Variants in EPHA5 observed in about 807,000 individuals in gnomAD.
EPHA5 encodes EPH receptor A5.
Under a neutral mutation model 105.0 loss-of-function variants are expected in EPHA5, and 60 were observed. That is an observed-to-expected ratio of 0.57 (90% confidence interval 0.46 to 0.71). EPHA5 has a LOEUF of 0.71. Among genes scored for constraint, EPHA5 ranks in the 30% least tolerant of loss-of-function variants. The pLI is 0.00. For missense variants in EPHA5, 1,218 were observed against 1,274.7 expected (o/e 0.96, Z 0.68); for synonymous variants, 513 against 449.1 (o/e 1.14, Z -1.80).
At chr4:65,372,527 G>T (rs957811588) in intron 8 of EPHA5, among the ~76,000 whole-genome samples, 4 of 151,762 alleles carry the variant, frequency 2.6e-5, no homozygotes, top group Non-Finnish European at 5.9e-5. Context: ...TTCATAGATA[G>T]ATTTAAGTTA....
intron 3 of EPHA5, among the ~76,000 whole-genome samples, chr4:65,534,807 A>G (rs1295468859): frequency 6.6e-6 from 1 of 152,234 alleles, no homozygotes; most frequent in Non-Finnish European, 1.5e-5. Context: ...TGCATCAAAT[A>G]CAACAAAACA....
intron 5 of EPHA5, among the ~76,000 whole-genome samples, chr4:65,472,519 C>T (rs1729388241): frequency 6.6e-6 from 1 of 152,190 alleles, no homozygotes; most frequent in African/African-American, 2.4e-5. Flanking sequence ...TCCATACATC[C>T]TCTGAAATCT....
intron 4 of EPHA5, among the ~76,000 whole-genome samples, chr4:65,492,151 A>G (rs1731462467): frequency 6.6e-6 from 1 of 152,118 alleles, no homozygotes; most frequent in African/African-American, 2.4e-5. Flanking sequence ...GGATTGTTTT[A>G]AAAGTGGTAA....
At chr4:65,488,183 A>G (rs553827307) in intron 5 of EPHA5, among the ~76,000 whole-genome samples, 5 of 152,264 alleles carry the variant, frequency 3.3e-5, no homozygotes, top group South Asian at 4.1e-4. Context: ...CAAATAATAT[A>G]CTTGGGAGGC....
chr4:65,582,849 T>C (rs1741769153), intron 3 of EPHA5, among the ~76,000 whole-genome samples: 1 of 151,776 alleles, frequency 6.6e-6, no homozygotes, highest in African/African-American at 2.4e-5. Context: ...TGGTTGGCTA[T>C]CATTTGATTC....
At chr4:65,496,065 A>G (rs923629799) in intron 3 of EPHA5, among the ~76,000 whole-genome samples, 13 of 152,076 alleles carry the variant, frequency 8.5e-5, no homozygotes, top group African/African-American at 3.1e-4. Context: ...TATCAACTGT[A>G]TTATTTTTAT....
intron 8 of EPHA5, among the ~76,000 whole-genome samples, chr4:65,369,819 T>C (rs970444380): frequency 2.0e-5 from 3 of 151,858 alleles, no homozygotes; most frequent in Admixed American, 1.3e-4. Flanking sequence ...ATACAAAAAT[T>C]AGCTAGGCAT....
chr4:65,483,089 C>A (rs62299163), intron 5 of EPHA5, among the ~76,000 whole-genome samples: 31,936 of 151,966 alleles, frequency 0.21, 4,131 homozygotes, highest in Middle Eastern at 0.35. Context: ...CAATTCCCAC[C>A]TATGAGTGAG....
chr4:65,536,324 G>T (rs977167383), intron 3 of EPHA5, among the ~76,000 whole-genome samples: 2 of 151,814 alleles, frequency 1.3e-5, no homozygotes, highest in Non-Finnish European at 2.9e-5. Flanking sequence ...AAAATCTCTT[G>T]TAATCGTTCC....
Position 65,669,727 on chromosome 4 carries a change from G to T in EPHA5, c.16C>A (p.Pro6Thr). 1 of 1,265,148 alleles carries T rather than the reference G, an allele frequency of 7.9e-7. No homozygotes were observed. Among genetic ancestry groups the T allele is most frequent in the Non-Finnish European group, 1.0e-6 (1 of 1,004,226 alleles). The allele number at this position is 1,265,148 out of a possible 1,614,324, so 78.4% of individuals were successfully genotyped here. The part of the protein sequence containing the change: MRGSG[P>T]RGAGRRRPPS... ...GGCCGCCGGCGTCCCGCACCCCGGG[G>T]CCCCGAGCCCCGCATCTTCTCCGAG... The change falls in exon 1 of 17, where the codon CCC becomes ACC. Residue 6 changes from proline (P) to threonine (T), a missense_variant. By Grantham distance (38) the Pro-to-Thr change is conservative (BLOSUM62 -1). This residue lies in a region of EPHA5 where 233 missense variants were observed against 227.5 expected (regional missense o/e 1.02). Transcript: ENST00000613740.
chr4:65,355,315 G>T (rs1295862339), intron 11 of EPHA5, among the ~76,000 whole-genome samples: 1 of 151,598 alleles, frequency 6.6e-6, no homozygotes, highest in Non-Finnish European at 1.5e-5. Context: ...AATTATTTAG[G>T]TTGTATTTGT....
At chr4:65,557,016 T>G (rs1045596666) in intron 3 of EPHA5, among the ~76,000 whole-genome samples, 3 of 151,842 alleles carry the variant, frequency 2.0e-5, no homozygotes, top group Non-Finnish European at 4.4e-5. Flanking sequence ...TTCGGACAAT[T>G]ACAGGACTCA....
At chr4:65,352,242 C>T (rs115155351) in intron 12 of EPHA5, among the ~76,000 whole-genome samples, 2 of 152,050 alleles carry the variant, frequency 1.3e-5, no homozygotes, top group South Asian at 4.1e-4. Context: ...CAGAGTCTGG[C>T]AGTAGGAAGA....
At chr4:65,484,348 A>T (rs77094258) in intron 5 of EPHA5, among the ~76,000 whole-genome samples, 4,877 of 152,266 alleles carry the variant, frequency 0.032, 209 homozygotes, top group East Asian at 0.21. Flanking sequence ...GATGGCATCA[A>T]ATTGAAAAGA....
chr4:65,637,822 G>A (rs1266442429), intron 2 of EPHA5, among the ~76,000 whole-genome samples: 1 of 151,858 alleles, frequency 6.6e-6, no homozygotes, highest in Non-Finnish European at 1.5e-5. Flanking sequence ...ATTTATTGAA[G>A]TTCTATTACA....
chr4:65,485,429 A>G (rs1376295897), intron 5 of EPHA5, among the ~76,000 whole-genome samples: 2 of 152,132 alleles, frequency 1.3e-5, no homozygotes, highest in Admixed American at 1.3e-4. Flanking sequence ...ACCATGTTTT[A>G]CAAGAACTAT....
intron 1 of EPHA5, among the ~76,000 whole-genome samples, chr4:65,645,721 T>C (rs1748061389): frequency 6.6e-6 from 1 of 152,092 alleles, no homozygotes; most frequent in African/African-American, 2.4e-5. Flanking sequence ...AATGTCGGAA[T>C]ACACTGCAGA....
chr4:65,549,528 C>T lies in EPHA5; in HGVS notation c.910+52113G>A, dbSNP rs973126408. On this transcript the variant is annotated intron_variant, in intron 3 of 16. Coordinates refer to ENST00000613740, the MANE Select transcript of EPHA5 (RefSeq NM_001281766.3). The stretch of plus-strand genomic sequence containing the variant: ...GATATTTGGGTTTGGGAAAGAGTTA[C>T]TGGTATCAAGTGTTCTAAGTTGACT... 2.2e-5 allele frequency among the ~76,000 whole-genome samples: 3 copies of T among 137,450 alleles called. No homozygotes were observed. In the Admixed American group the frequency reaches 2.4e-4, roughly 11 times the overall value. The allele number at this position is 137,450 out of a possible 152,430, so 90.2% of individuals were successfully genotyped here. A position where few individuals can be genotyped will look rare whatever the true frequency, so the allele number is the denominator to read the frequency against.
rs529056636 is a variant in EPHA5, at chr4:65,549,249, C to A, written c.910+52392G>T. 2.6e-5 allele frequency among the ~76,000 whole-genome samples: 4 copies of A among 152,196 alleles called. No individual in the cohort carries two copies. In the South Asian group the frequency reaches 8.3e-4, roughly 32 times the overall value. ...ATCATTAAGTCCTGAAAGAAAATAA[C>A]TGGCAACACAGAGCTGATCAAAAGC... On this transcript the variant is annotated intron_variant, in intron 3 of 16. Coordinates refer to ENST00000613740, the MANE Select transcript of EPHA5 (RefSeq NM_001281766.3).
Sources: gnomAD v4.1 joint callset for allele counts (sites outside exome capture counted in the v4.1 genomes callset) on GRCh38, gnomAD v4.1.1 for gene constraint, gnomAD v4.1.1 regional missense constraint, MANE v1.5 for transcripts, NCBI Gene and HGNC (gene_info 2026-07-23, HGNC 2026-07-21) for gene names.